The following CUL5 variants were observed in gnomAD, a reference collection of about 807,000 sequenced individuals.
The protein encoded by CUL5 is cullin-5.
Under a neutral mutation model 108.8 loss-of-function variants are expected in CUL5, and 26 were observed. The observed-to-expected ratio is 0.24, with a 90% CI of 0.18 to 0.33. The LOEUF is 0.33. CUL5 is among the 10% of genes least tolerant of loss of function. CUL5 has a pLI of 1.00. For missense variants in CUL5, 524 were observed against 909.2 expected, an observed-to-expected ratio of 0.58 and a Z score of 5.45; for synonymous variants, 334 against 298.0, an observed-to-expected ratio of 1.12 and a Z score of -1.25.
At chr11:108,073,543 C>A in intron 10 of CUL5, 46 bp downstream of exon 10, 2 of 856,054 alleles carry the variant, frequency 2.3e-6, no homozygotes, top group South Asian at 2.1e-5. Context: ...AAGTTTTATT[C>A]TCATAATTTA....
intron 10 of CUL5, among the ~76,000 whole-genome samples, chr11:108,076,937 C>T (rs1863954495): frequency 6.6e-6 from 1 of 152,120 alleles, no homozygotes. Context: ...ATCAGAAACT[C>T]GGTATTGAAT....
chr11:108,041,358 A>T lies in CUL5; in HGVS notation c.135-4912A>T, dbSNP rs1240484646. On this transcript the variant is annotated intron_variant, in intron 2 of 18. Transcript: ENST00000393094. ...AGTGGCATGATCTCGGCTCATTGCA[A>T]CCTCTGCCTCCCAGGCTCAAGCGAT... Among the ~76,000 whole-genome samples the T allele has an allele frequency of 2.6e-5, 4 of 151,134 alleles. No homozygotes were observed. The East Asian group carries it at 7.8e-4, about 29-fold the overall frequency.
intron 13 of CUL5, among the ~76,000 whole-genome samples, chr11:108,092,756 T>C (rs1296637779): frequency 6.6e-6 from 1 of 152,190 alleles, no homozygotes; most frequent in Non-Finnish European, 1.5e-5. Flanking sequence ...ATAGTGGTGA[T>C]GGTTGCACAG....
intron 17 of CUL5, among the ~76,000 whole-genome samples, chr11:108,098,063 T>A: frequency 6.6e-6 from 1 of 151,034 alleles, no homozygotes; most frequent in East Asian, 1.9e-4. Context: ...GTTTCGTTTT[T>A]GTTTTTGTTT....
At chr11:108,048,118 ATTT>A (rs199857275) in intron 3 of CUL5, among the ~76,000 whole-genome samples, 1 of 144,708 alleles carries the variant, frequency 6.9e-6, no homozygotes, top group Admixed American at 7.0e-5. Flanking sequence ...CGCTTAAGAA[ATTT>A]TTTTTTTTTT....
At chr11:108,091,450 G>A (rs1864357698) in intron 13 of CUL5, among the ~76,000 whole-genome samples, 1 of 152,008 alleles carries the variant, frequency 6.6e-6, no homozygotes, top group Non-Finnish European at 1.5e-5. Context: ...CAGCACTTTG[G>A]GAGGCTGAGG....
At chr11:108,018,920 A>G (rs762096052) in intron 1 of CUL5, among the ~76,000 whole-genome samples, 30 of 152,158 alleles carry the variant, frequency 2.0e-4, no homozygotes, top group Non-Finnish European at 3.2e-4. Context: ...GTTACTTAAC[A>G]TCTCTGTGCC....
chr11:108,054,601 T>A (rs770226989), intron 5 of CUL5, 46 bp from the exon 6 acceptor site: 59 of 1,313,666 alleles, frequency 4.5e-5, no homozygotes, highest in Non-Finnish European at 5.1e-5. Flanking sequence ...CTCAAAATAC[T>A]GATTTTGATC....
At chr11:108,013,026 C>T (rs905946412) in intron 1 of CUL5, among the ~76,000 whole-genome samples, 3 of 152,162 alleles carry the variant, frequency 2.0e-5, no homozygotes, top group Admixed American at 1.3e-4. Context: ...ATGGCTTACT[C>T]TTCTCTCCCA....
intron 12 of CUL5, 44 bp from the exon 13 acceptor site, chr11:108,089,448 G>T (rs769627030): frequency 7.0e-7 from 1 of 1,433,320 alleles, no homozygotes; most frequent in Non-Finnish European, 9.4e-7. Context: ...TCGAGAGATG[G>T]TAAGAGTATA....
At chr11:108,087,586 C>G (rs1315513876) in intron 11 of CUL5, among the ~76,000 whole-genome samples, 2 of 152,026 alleles carry the variant, frequency 1.3e-5, no homozygotes, top group Non-Finnish European at 2.9e-5. Flanking sequence ...ATAGTGAGAC[C>G]TTGTCTGAAT....
chr11:108,012,400 A>G (rs1862076195), intron 1 of CUL5, among the ~76,000 whole-genome samples: 1 of 151,982 alleles, frequency 6.6e-6, no homozygotes, highest in South Asian at 2.1e-4. Context: ...GTCGATACCA[A>G]ACATTTTTCT....
At chr11:108,088,686 T>C (rs1230983942) in intron 12 of CUL5, 27 bp downstream of exon 12, 1 of 1,543,550 alleles carries the variant, frequency 6.5e-7, no homozygotes. Context: ...TATTTCAACT[T>C]TTAAAATTAC....
chr11:108,047,757 A>G (rs929913749), intron 3 of CUL5, among the ~76,000 whole-genome samples: 1 of 152,234 alleles, frequency 6.6e-6, no homozygotes, highest in African/African-American at 2.4e-5. Context: ...GAACTAATTT[A>G]GAGATACAGT....
intron 8 of CUL5, among the ~76,000 whole-genome samples, chr11:108,070,513 G>A (rs552683526): frequency 6.6e-6 from 1 of 152,044 alleles, no homozygotes; most frequent in Admixed American, 6.6e-5. Context: ...TTAGAACCAG[G>A]TATTTGACTT....
chr11:108,052,935 A>C, intron 5 of CUL5, 134 bp downstream of exon 5: 1 of 621,916 alleles, frequency 1.6e-6, no homozygotes, highest in Non-Finnish European at 2.6e-6. Context: ...ACTTTTTTTG[A>C]GAGTAAGCAA....
At chr11:108,042,218 C>CTTTTTTT (rs11440201) in intron 2 of CUL5, among the ~76,000 whole-genome samples, 1 of 124,090 alleles carries the variant, frequency 8.1e-6, no homozygotes, top group Non-Finnish European at 1.6e-5. Context: ...ATCCACAATT[C>CTTTTTTT]TTTTTTTTTT....
chr11:108,089,473 A>G lies in CUL5; in HGVS notation c.1312-19A>G, dbSNP rs1208585959. The G allele has an allele frequency of 3.9e-6, 6 of 1,521,710 alleles. No homozygotes were observed. The highest frequency in any genetic ancestry group is 5.3e-6 in the Non-Finnish European group (6 of 1,134,804). 94.3% of individuals were successfully genotyped at this position (1,521,710 alleles called of 1,614,324 possible). ...GTAAGAGTATATAAGAACTGAAAGT[A>G]ACTTTATTTTTCATACAGCTCTTGG... On this transcript the variant is annotated intron_variant, in intron 12 of 18. Transcript: ENST00000393094.
intron 4 of CUL5, among the ~76,000 whole-genome samples, chr11:108,051,715 A>T (rs1350740240): frequency 6.6e-6 from 1 of 152,166 alleles, no homozygotes; most frequent in East Asian, 1.9e-4. Context: ...TCAGATTTTC[A>T]GTTGGTCCTT....
Sources: gnomAD v4.1 joint callset for allele counts (sites outside exome capture counted in the v4.1 genomes callset) on GRCh38, gnomAD v4.1.1 for gene constraint, MANE v1.5 for transcripts, NCBI Gene and HGNC (gene_info 2026-07-23, HGNC 2026-07-21) for gene names.